Variants in BTD observed in about 807,000 individuals in gnomAD.
BTD encodes biocytinase.
A neutral mutation model predicts 17.7 loss-of-function variants in BTD; 13 were observed. That is an observed-to-expected ratio of 0.74 (90% CI 0.48 to 1.17). The LOEUF is 1.17. Ranked by LOEUF, BTD falls within the 50% of genes most tolerant of loss-of-function variation. The pLI is 0.00. For missense variants in BTD, 674 were observed against 650.4 expected, an observed-to-expected ratio of 1.04 and a Z score of -0.39; for synonymous variants, 240 against 245.2, an observed-to-expected ratio of 0.98 and a Z score of 0.20.
At chr3:15,638,044 T>C (rs1575018182) in intron 2 of BTD, among the ~76,000 whole-genome samples, 2 of 152,352 alleles carry the variant, frequency 1.3e-5, no homozygotes, top group Admixed American at 1.3e-4. Context: ...AGCAGCACTT[T>C]TATTTTTCCT....
intron 3 of BTD, among the ~76,000 whole-genome samples, chr3:15,699,636 GCTC>G (rs2070249322): frequency 1.3e-5 from 2 of 152,334 alleles, no homozygotes; most frequent in South Asian, 4.1e-4. Flanking sequence ...ACAAAAAAAT[GCTC>G]ATCATCACTG....
At position 15,645,225 on chromosome 3, in the gene BTD, G is replaced by A. The variant is rs146600671; in HGVS notation, c.1309G>A (p.Val437Met). Residue 437 changes from valine to methionine, a missense_variant, in exon 4 of 4, where the codon GTG (valine) becomes ATG (methionine). Val to Met is a conservative substitution (Grantham distance 21). Transcript: ENST00000643237. The stretch of plus-strand genomic sequence containing the variant: ...AGTACATGGCACTTACTACATCCAA[G>A]TGTGTGCCCTGGTCAGGTGTGGGGG... The part of the protein sequence containing the change: ...HTVHGTYYIQ[V>M]CALVRCGGLG... 2.5e-6 allele frequency: 4 copies of A among 1,614,086 alleles called. No individual in the cohort carries two copies. Among genetic ancestry groups the A allele is most frequent in the Non-Finnish European group, 2.5e-6 (3 of 1,180,044 alleles).
At chr3:15,629,648 C>T (rs1422203859) in intron 1 of BTD, among the ~76,000 whole-genome samples, 6 of 152,112 alleles carry the variant, frequency 3.9e-5, no homozygotes, top group Non-Finnish European at 5.9e-5. Flanking sequence ...CTCAGCCTCC[C>T]GGAGTAGCTG....
intron 3 of BTD, among the ~76,000 whole-genome samples, chr3:15,698,495 C>G (rs1285107764): frequency 2.6e-5 from 4 of 152,180 alleles, no homozygotes. Context: ...AAAACCCCAT[C>G]GTCTCAGCTC....
intron 3 of BTD, among the ~76,000 whole-genome samples, chr3:15,660,226 G>A (rs769928662): frequency 6.6e-6 from 1 of 152,162 alleles, no homozygotes; most frequent in South Asian, 2.1e-4. Flanking sequence ...TTCCTGCTGG[G>A]ACCAACTGGC....
chr3:15,705,928 G>T (rs1430285344), intron 3 of BTD, among the ~76,000 whole-genome samples: 5 of 152,114 alleles, frequency 3.3e-5, no homozygotes, highest in African/African-American at 1.2e-4. Context: ...GTGAACCTGG[G>T]AGGTGGAAGC....
At chr3:15,610,587 C>T (rs1024267305) in intron 1 of BTD, among the ~76,000 whole-genome samples, 3 of 152,134 alleles carry the variant, frequency 2.0e-5, no homozygotes, top group East Asian at 1.9e-4. Context: ...ATGTCAAGCT[C>T]GCATATTTAT....
At chr3:15,664,887 A>C (rs2065961802) in intron 3 of BTD, among the ~76,000 whole-genome samples, 1 of 152,190 alleles carries the variant, frequency 6.6e-6, no homozygotes, top group Middle Eastern at 3.2e-3. Flanking sequence ...AAGACTGTTC[A>C]AAAAACTACC....
intron 1 of BTD, among the ~76,000 whole-genome samples, chr3:15,626,780 C>G (rs75371537): frequency 1.1e-5 from 1 of 95,056 alleles, no homozygotes; most frequent in Non-Finnish European, 2.0e-5. Context: ...GACCCTGTCT[C>G]AAAAAAAAAA....
exon 4 of BTD, among the ~76,000 whole-genome samples, chr3:15,712,404 C>G (rs940759399): frequency 1.3e-5 from 2 of 152,144 alleles, no homozygotes; most frequent in African/African-American, 4.8e-5. Context: ...CTATTTTTCT[C>G]CAAAAGTCAG....
At chr3:15,713,174 G>C (rs1177519012), downstream of BTD, among the ~76,000 whole-genome samples, 3 of 152,046 alleles carry the variant, frequency 2.0e-5, no homozygotes, top group East Asian at 5.8e-4. Context: ...ATTATCTACA[G>C]ATAGTATTTG....
intron 3 of BTD, among the ~76,000 whole-genome samples, chr3:15,672,780 G>A (rs2066508184): frequency 6.6e-6 from 1 of 152,002 alleles, no homozygotes; most frequent in African/African-American, 2.4e-5. Context: ...TCCTCTGCAT[G>A]GGGGTTATTT....
At chr3:15,703,774 T>C (rs1292685395) in intron 3 of BTD, among the ~76,000 whole-genome samples, 3 of 152,192 alleles carry the variant, frequency 2.0e-5, no homozygotes, top group African/African-American at 7.2e-5. Context: ...GGGTAATGGA[T>C]AGAGGACGGA....
At chr3:15,620,221 A>C (rs903112965) in intron 1 of BTD, among the ~76,000 whole-genome samples, 2 of 152,208 alleles carry the variant, frequency 1.3e-5, no homozygotes, top group Non-Finnish European at 2.9e-5. Context: ...GAGTTTTCCC[A>C]ACCCTAGCAA....
chr3:15,714,541 A>AAT, downstream of BTD: 1 of 1,482,006 alleles, frequency 6.7e-7, no homozygotes, highest in Non-Finnish European at 9.1e-7. Flanking sequence ...AGAAAAAAAA[A>AAT]AAAAAACCCC....
intron 1 of BTD, chr3:15,606,393 T>C (rs1235408888): frequency 6.6e-6 from 1 of 152,232 alleles, no homozygotes; most frequent in Non-Finnish European, 1.5e-5. Flanking sequence ...ATTAAACATA[T>C]GATTGCCTGT....
At chr3:15,717,418 T>C (rs951899399), downstream of BTD, among the ~76,000 whole-genome samples, 9 of 152,066 alleles carry the variant, frequency 5.9e-5, no homozygotes, top group African/African-American at 2.2e-4. Flanking sequence ...TAAGACACGT[T>C]AGCGGGGAGA....
chr3:15,636,747 CTATAA>C (rs1292144623), intron 2 of BTD, among the ~76,000 whole-genome samples: 1 of 117,148 alleles, frequency 8.5e-6, no homozygotes, highest in Non-Finnish European at 1.6e-5. Flanking sequence ...AAATTTTAGT[CTATAA>C]TATATATACA....
At chr3:15,680,103 A>AT (rs1260695646) in intron 3 of BTD, among the ~76,000 whole-genome samples, 2 of 152,056 alleles carry the variant, frequency 1.3e-5, no homozygotes, top group African/African-American at 4.8e-5. Flanking sequence ...TGACTGTGCT[A>AT]TTTTTTTATT....
Sources: allele counts gnomAD v4.1 joint callset (sites outside exome capture counted in the v4.1 genomes callset), GRCh38; gene constraint gnomAD v4.1.1; transcripts MANE v1.5; gene names NCBI Gene and HGNC (gene_info 2026-07-23, HGNC 2026-07-21).